Variants in UPB1 observed in about 807,000 individuals in gnomAD.
UPB1 encodes beta-ureidopropionase.
In UPB1, 40 loss-of-function variants were observed where a neutral mutation model predicts 49.1. That is an observed-to-expected ratio of 0.81 (90% CI 0.63 to 1.06). The LOEUF (loss-of-function observed/expected upper bound fraction) is 1.06. Among genes scored for constraint, UPB1 ranks in the 50% least tolerant of loss-of-function variants. The probability of loss-of-function intolerance (pLI) is 0.00; values close to 1 mark genes in which losing one functional copy is unlikely to be tolerated. For synonymous variants in UPB1, 207 were observed against 198.2 expected, an observed-to-expected ratio of 1.04 and a Z score of -0.38; for missense variants, 499 against 505.9, an observed-to-expected ratio of 0.99 and a Z score of 0.13.
chr22:24,509,910 C>G (rs1475896460), intron 3 of UPB1, among the ~76,000 whole-genome samples: 2 of 152,162 alleles, frequency 1.3e-5, no homozygotes, highest in Admixed American at 1.3e-4. Context: ...TGGCCTCTGA[C>G]AGCTATTCTA....
chr22:24,499,977 C>A, intron 1 of UPB1, 130 bp from the exon 2 acceptor site: 3 of 1,403,536 alleles, frequency 2.1e-6, no homozygotes, highest in Non-Finnish European at 3.0e-6. Context: ...TGGGCCCTGG[C>A]ACTGAGCGCC....
At position 24,515,265 on chromosome 22, in the gene UPB1, C is replaced by A. The variant is rs138473981; in HGVS notation, c.686C>A (p.Ala229Glu). 3.1e-6 allele frequency: 5 copies of A among 1,614,180 alleles called. No homozygotes were observed. The East Asian group carries it at 8.9e-5, about 29-fold the overall frequency. The change falls in exon 6 of 10, where the codon GCG becomes GAG. Residue 229 changes from alanine (A) to glutamate (E), a missense_variant. Coordinates refer to ENST00000326010, the MANE Select transcript of UPB1 (RefSeq NM_016327.3). ...TTCCAGACGCAGTTCGGAAGGATCG[C>A]GGTGAACATTTGCTACGGGCGGCAC... is the stretch of plus-strand genomic sequence containing the variant. ...PVFQTQFGRI[A>E]VNICYGRHHP...
At chr22:24,495,838 G>A (rs1282372524) in intron 1 of UPB1, among the ~76,000 whole-genome samples, 1 of 152,178 alleles carries the variant, frequency 6.6e-6, no homozygotes, top group African/African-American at 2.4e-5. Context: ...TGTCTGGCTG[G>A]ATCACTGTCT....
At chr22:24,519,083 C>T (rs1209379209) in intron 6 of UPB1, among the ~76,000 whole-genome samples, 3 of 152,190 alleles carry the variant, frequency 2.0e-5, no homozygotes, top group African/African-American at 7.2e-5. Context: ...CTGCAAGTGT[C>T]TATTTAATTC....
Position 24,515,188 on chromosome 22 carries a change from C to G in UPB1, c.622-13C>G. The G allele has an allele frequency of 6.2e-7, 1 of 1,614,082 alleles. No individual in the cohort carries two copies. The highest frequency in any genetic ancestry group is 2.2e-5 in the East Asian group (1 of 44,884). On this transcript the variant is annotated splice_polypyrimidine_tract_variant and intron_variant, in intron 5 of 9. Transcript: ENST00000326010. ...AGGTCAGAGGCATCAGTATATGGCC[C>G]TTTGCTTTTCAGTCAACTTACTACA...
intron 1 of UPB1, among the ~76,000 whole-genome samples, chr22:24,497,364 G>T (rs1041128899): frequency 3.9e-5 from 6 of 152,158 alleles, no homozygotes; most frequent in African/African-American, 1.4e-4. Flanking sequence ...CCCGCCATGA[G>T]CACATGTCTC....
intron 6 of UPB1, among the ~76,000 whole-genome samples, chr22:24,516,047 G>T (rs1339998566): frequency 6.6e-6 from 1 of 152,190 alleles, no homozygotes; most frequent in East Asian, 1.9e-4. Context: ...CATAGTAGGT[G>T]CCTAGCCAGC....
chr22:24,520,496 G>A (rs768584354), intron 7 of UPB1, 28 bp downstream of exon 7: 63 of 1,611,056 alleles, frequency 3.9e-5, no homozygotes, highest in Non-Finnish European at 5.0e-5. Context: ...GCTGGGGAGA[G>A]GAGCCACCAC....
chr22:24,504,667 A>G (rs945544643), intron 3 of UPB1, among the ~76,000 whole-genome samples: 1 of 145,684 alleles, frequency 6.9e-6, no homozygotes, highest in East Asian at 2.0e-4. Context: ...AGACAGTCCT[A>G]CTATTAGGAT....
chr22:24,507,430 G>A (rs890650968), intron 3 of UPB1, among the ~76,000 whole-genome samples: 4 of 152,064 alleles, frequency 2.6e-5, no homozygotes, highest in African/African-American at 9.7e-5. Context: ...AGGCTTCCTG[G>A]GACCGGAAGG....
At position 24,520,487 on chromosome 22, in the gene UPB1, C is replaced by A; in HGVS notation, c.873+19C>A. The A allele has an allele frequency of 6.2e-7, 1 of 1,612,436 alleles. No homozygotes were observed. The highest frequency in any genetic ancestry group is 8.5e-7 in the Non-Finnish European group (1 of 1,179,394). On this transcript the variant is annotated intron_variant, in intron 7 of 9. Transcript: ENST00000326010. ...GGGCACCGTAAGTCCCGAGGTCTGG[C>A]TGGGGAGAGGAGCCACCACCTGGTG...
At chr22:24,510,724 A>G in intron 3 of UPB1, 25 bp from the exon 4 acceptor site, 1 of 1,612,200 alleles carries the variant, frequency 6.2e-7, no homozygotes. Context: ...GTTGGATATA[A>G]TTCTGCCCTT....
chr22:24,505,577 C>T (rs1303625855), intron 3 of UPB1, among the ~76,000 whole-genome samples: 11 of 152,244 alleles, frequency 7.2e-5, no homozygotes, highest in Admixed American at 6.5e-4. Context: ...ATCTGCCCTG[C>T]TCCAAAGCCA....
chr22:24,511,849 CT>C (rs2044211659), intron 4 of UPB1, among the ~76,000 whole-genome samples: 2 of 151,922 alleles, frequency 1.3e-5, no homozygotes, highest in African/African-American at 2.4e-5. Context: ...ATCTCCTGAC[CT>C]CGTGATCCGC....
chr22:24,509,959 G>A (rs189559298), intron 3 of UPB1, among the ~76,000 whole-genome samples: 5 of 152,224 alleles, frequency 3.3e-5, no homozygotes, highest in Admixed American at 2.6e-4. Context: ...TAGGCTGGGC[G>A]TGGTGACTCA....
At chr22:24,516,984 A>T (rs572386844) in intron 6 of UPB1, among the ~76,000 whole-genome samples, 3 of 152,310 alleles carry the variant, frequency 2.0e-5, no homozygotes, top group South Asian at 2.1e-4. Context: ...TTGGCCTCCC[A>T]AAGTGCTGGG....
At chr22:24,495,557 G>T (rs1601468313) in intron 1 of UPB1, 50 bp downstream of exon 1, 1 of 1,599,916 alleles carries the variant, frequency 6.3e-7, no homozygotes, top group Non-Finnish European at 8.6e-7. Context: ...CACAGAGTGT[G>T]GGTCTGGGGG....
At chr22:24,510,125 G>A (rs961511790) in intron 3 of UPB1, among the ~76,000 whole-genome samples, 2 of 151,932 alleles carry the variant, frequency 1.3e-5, no homozygotes, top group Admixed American at 6.6e-5. Flanking sequence ...CCATCTACTC[G>A]GGAAGGCTGA....
In UPB1 at chr22:24,516,949, C is replaced by T. The variant is rs151240846; in HGVS notation, c.791+1579C>T. ...CCGTCTTAGCCAGGATGGTCTCGAT[C>T]TCCTGACCTTGTGATCCACCCACCT... On this transcript the variant is annotated intron_variant, in intron 6 of 9. Coordinates refer to ENST00000326010, the MANE Select transcript of UPB1 (RefSeq NM_016327.3). 5.7e-3 allele frequency among the ~76,000 whole-genome samples: 872 copies of T among 152,304 alleles called. 8 individuals are homozygous for T. The highest frequency in any genetic ancestry group is 0.02 in the African/African-American group (824 of 41,570).
Sources: gnomAD v4.1 joint callset for allele counts (sites outside exome capture counted in the v4.1 genomes callset) on GRCh38, gnomAD v4.1.1 for gene constraint, MANE v1.5 for transcripts, NCBI Gene and HGNC (gene_info 2026-07-23, HGNC 2026-07-21) for gene names.